Variants in SLC7A11 observed in about 807,000 individuals in gnomAD.
SLC7A11 encodes solute carrier family 7 member 11.
SLC7A11 carries 35 observed loss-of-function variants against 54.5 expected under a neutral mutation model. That is an observed-to-expected ratio of 0.64 (90% CI 0.49 to 0.85). The LOEUF is 0.85. Ranked by LOEUF, SLC7A11 falls within the 40% of genes least tolerant of loss-of-function variation. SLC7A11 has a pLI of 0.00. For synonymous variants in SLC7A11, 230 were observed against 225.2 expected (o/e 1.02, Z -0.19); for missense variants, 583 against 618.1 (o/e 0.94, Z 0.60).
At chr4:138,234,222 C>T (rs6826686) in intron 2 of SLC7A11, among the ~76,000 whole-genome samples, 64,221 of 151,878 alleles carry the variant, frequency 0.42, 14,316 homozygotes, top group Middle Eastern at 0.61. Flanking sequence ...ATAGTGCACA[C>T]GCAAATTCGG....
intron 6 of SLC7A11, among the ~76,000 whole-genome samples, chr4:138,203,078 G>C (rs969144527): frequency 1.3e-5 from 2 of 151,948 alleles, no homozygotes; most frequent in African/African-American, 4.8e-5. Context: ...ATCTAACTAA[G>C]GACTTCCTTT....
Position 138,179,238 on chromosome 4 carries a change from TG to T in SLC7A11, c.1422del (p.Arg475GlyfsTer5). ...TTACCCGACATTATTCTAAACCACC[TG>T]GGTTTCTTGTCCCATATAATAAAGA... The part of the protein sequence containing the change: ...YYLFIIWDKK[P>X]RWFRIMSEKI... On this transcript the variant is annotated frameshift_variant, in exon 11 of 12. Coordinates refer to ENST00000280612, the MANE Select transcript of SLC7A11 (RefSeq NM_014331.4). LOFTEE classifies it high-confidence loss of function. 1 of 1,610,348 alleles carries T rather than the reference TG, an allele frequency of 6.2e-7. No homozygotes were observed. Among genetic ancestry groups the T allele is most frequent in the Non-Finnish European group, 8.5e-7 (1 of 1,177,060 alleles).
intron 6 of SLC7A11, among the ~76,000 whole-genome samples, chr4:138,199,413 G>A (rs988378451): frequency 6.6e-6 from 1 of 152,066 alleles, no homozygotes; most frequent in African/African-American, 2.4e-5. Flanking sequence ...ATAAGGTACA[G>A]AATACATATA....
intron 9 of SLC7A11, among the ~76,000 whole-genome samples, chr4:138,181,591 A>G (rs79018166): frequency 0.073 from 11,040 of 152,210 alleles, 426 homozygotes; most frequent in African/African-American, 0.085. Flanking sequence ...CATGAAAAAA[A>G]AATGTTCAGT....
chr4:138,215,510 A>G (rs1292967828), intron 5 of SLC7A11, among the ~76,000 whole-genome samples: 1 of 152,156 alleles, frequency 6.6e-6, no homozygotes, highest in Admixed American at 6.6e-5. Flanking sequence ...AGTGTCTACA[A>G]TTTTAAGGAC....
chr4:138,176,437 A>G (rs1328929197), intron 11 of SLC7A11: 2 of 152,184 alleles, frequency 1.3e-5, no homozygotes, highest in African/African-American at 4.8e-5. Flanking sequence ...TCAAAACATC[A>G]TTAGAGATAG....
At chr4:138,241,654 CG>C in intron 1 of SLC7A11, 138 bp downstream of exon 1, 2 of 650,818 alleles carry the variant, frequency 3.1e-6, no homozygotes, top group South Asian at 3.8e-5. Flanking sequence ...GGGTAGTTCA[CG>C]TACCCGAACA....
At chr4:138,235,029 G>C (rs1738172510) in intron 2 of SLC7A11, among the ~76,000 whole-genome samples, 1 of 152,204 alleles carries the variant, frequency 6.6e-6, no homozygotes, top group Admixed American at 6.5e-5. Flanking sequence ...ATCTTTGTAT[G>C]CTTGAAATGT....
intron 1 of SLC7A11, among the ~76,000 whole-genome samples, chr4:138,237,719 ATATATATATATATATATATTTTTTTTTTT>A (rs1738252948): frequency 1.3e-4 from 1 of 7,538 alleles, no homozygotes; most frequent in Non-Finnish European, 2.6e-4. Flanking sequence ...ATATATATAT[ATATATATATATATATATATTTTTTTTTTT>A]TTTTTTTTTT....
chr4:138,229,254 C>A (rs902927792), intron 3 of SLC7A11, among the ~76,000 whole-genome samples: 2 of 152,172 alleles, frequency 1.3e-5, no homozygotes, highest in African/African-American at 2.4e-5. Context: ...TTGAAGAAAG[C>A]AGGGTGTGAG....
At chr4:138,188,490 TG>T (rs780597879) in intron 6 of SLC7A11, among the ~76,000 whole-genome samples, 2 of 152,192 alleles carry the variant, frequency 1.3e-5, no homozygotes, top group Non-Finnish European at 2.9e-5. Flanking sequence ...TTGGCTGTTT[TG>T]GCATAAACAG....
In SLC7A11 at chr4:138,170,349, C is replaced by T. The variant is rs868057541; in HGVS notation, c.*1607G>A. The stretch of plus-strand genomic sequence containing the variant: ...TTTTTTTTTTGGAGATGGAGTCTGA[C>T]TTTGTCACCCAGGCTGGAGTACAGT... On this transcript the variant is annotated 3_prime_UTR_variant, in exon 12 of 12. Coordinates refer to ENST00000280612, the MANE Select transcript of SLC7A11 (RefSeq NM_014331.4). The T allele has an allele frequency of 1.4e-5, 2 of 145,702 alleles. No homozygotes were observed. The highest frequency in any genetic ancestry group is 7.0e-5 in the Admixed American group (1 of 14,364). 9.0% of individuals were successfully genotyped at this position (145,702 alleles called of 1,614,324 possible).
intron 6 of SLC7A11, among the ~76,000 whole-genome samples, chr4:138,194,271 C>A (rs961633420): frequency 6.6e-6 from 1 of 151,926 alleles, no homozygotes; most frequent in Non-Finnish European, 1.5e-5. Context: ...CTCCTGTAAG[C>A]CCTCCCTCTC....
At chr4:138,237,733 A>ATTT (rs1738265083) in intron 1 of SLC7A11, among the ~76,000 whole-genome samples, 1 of 11,566 alleles carries the variant, frequency 8.6e-5, no homozygotes, top group Non-Finnish European at 1.4e-4. Flanking sequence ...ATATATATAT[A>ATTT]TATATTTTTT....
chr4:138,188,561 A>C (rs1192582342), intron 6 of SLC7A11, among the ~76,000 whole-genome samples: 1 of 152,124 alleles, frequency 6.6e-6, no homozygotes, highest in African/African-American at 2.4e-5. Context: ...TACACAGTTA[A>C]CTCTAGGTTT....
chr4:138,206,996 C>CAAAAAAAAAA (rs369656942), intron 6 of SLC7A11, among the ~76,000 whole-genome samples: 2 of 113,610 alleles, frequency 1.8e-5, no homozygotes, highest in Non-Finnish European at 3.6e-5. Flanking sequence ...TAAAGAAAAG[C>CAAAAAAAAAA]AAAAAAAAAA....
At position 138,168,838 on chromosome 4, in the gene SLC7A11, T is replaced by C. The variant is rs942757815; in HGVS notation, c.*3118A>G. On this transcript the variant is annotated 3_prime_UTR_variant, in exon 12 of 12. Coordinates refer to ENST00000280612, the MANE Select transcript of SLC7A11 (RefSeq NM_014331.4). ...AATAAGGTCTACTTTCAGCTAACCATTTATAAGGTTCAGTTTTCATTGGAT... is the reference window on the plus strand; with the variant it reads ...AATAAGGTCTACTTTCAGCTAACCACTTATAAGGTTCAGTTTTCATTGGAT... 2 of 152,206 alleles carry C rather than the reference T, an allele frequency of 1.3e-5. No homozygotes were observed. The highest frequency in any genetic ancestry group is 2.9e-5 in the Non-Finnish European group (2 of 68,030). 9.4% of individuals were successfully genotyped at this position (152,206 alleles called of 1,614,324 possible).
chr4:138,227,127 T>C (rs1213881251), intron 3 of SLC7A11, among the ~76,000 whole-genome samples: 1 of 152,222 alleles, frequency 6.6e-6, no homozygotes, highest in African/African-American at 2.4e-5. Flanking sequence ...TTCAAGTCTG[T>C]CTTTGGGTTT....
At chr4:138,217,163 T>C (rs1463532115) in intron 5 of SLC7A11, among the ~76,000 whole-genome samples, 1 of 152,180 alleles carries the variant, frequency 6.6e-6, no homozygotes, top group East Asian at 1.9e-4. Flanking sequence ...CACAACAACC[T>C]GTTATAGAAA....
Sources: gnomAD v4.1 joint callset for allele counts (sites outside exome capture counted in the v4.1 genomes callset) on GRCh38, gnomAD v4.1.1 for gene constraint, MANE v1.5 for transcripts, NCBI Gene and HGNC (gene_info 2026-07-23, HGNC 2026-07-21) for gene names.